The following MRPL47 variants were observed in gnomAD, a reference collection of about 807,000 sequenced individuals.
MRPL47 encodes mitochondrial ribosomal protein L47, also known as large ribosomal subunit protein uL29m.
A neutral mutation model predicts 34.0 loss-of-function variants in MRPL47; 31 were observed. That is an observed-to-expected ratio of 0.91 (90% confidence interval 0.68 to 1.23). The LOEUF is 1.23. MRPL47 is among the 50% of genes most tolerant of loss of function. MRPL47 has a pLI of 0.00. For synonymous variants in MRPL47, 106 were observed against 101.6 expected, an observed-to-expected ratio of 1.04 and a Z score of -0.26; for missense variants, 328 against 285.8, an observed-to-expected ratio of 1.15 and a Z score of -1.07.
intron 5 of MRPL47, 76 bp from the exon 6 acceptor site, chr3:179,592,815 A>AG: frequency 1.1e-6 from 1 of 875,362 alleles, no homozygotes; most frequent in Non-Finnish European, 1.9e-6. Flanking sequence ...TTACCTCAAA[A>AG]GGGTTAGTCC....
chr3:179,601,313 T>C (rs768958491), intron 3 of MRPL47, among the ~76,000 whole-genome samples: 12 of 151,980 alleles, frequency 7.9e-5, no homozygotes, highest in Non-Finnish European at 1.3e-4. Context: ...GAGGCTGAGG[T>C]GGGGGATCAC....
At position 179,604,517 on chromosome 3, in the gene MRPL47, C is replaced by A; in HGVS notation, c.98+10G>T. ...GAGAGGTGGGCAAACCTACTTTATACATCACTTACCCTGTGCAGGCAGGGA... is the reference window on the plus strand; with the variant it reads ...GAGAGGTGGGCAAACCTACTTTATAAATCACTTACCCTGTGCAGGCAGGGA... On this transcript the variant is annotated intron_variant, in intron 1 of 6. Coordinates refer to ENST00000476781, the MANE Select transcript of MRPL47 (RefSeq NM_020409.3). 6 of 1,611,430 alleles carry A rather than the reference C, an allele frequency of 3.7e-6. No individual in the cohort carries two copies. Among genetic ancestry groups the A allele is most frequent in the Non-Finnish European group, 5.1e-6 (6 of 1,178,626 alleles).
intron 4 of MRPL47, among the ~76,000 whole-genome samples, chr3:179,596,722 G>A (rs1718796717): frequency 6.6e-6 from 1 of 152,096 alleles, no homozygotes. Flanking sequence ...TGCAATCGTG[G>A]CTCACTGCAG....
rs1718852920 is a variant in MRPL47, at chr3:179,598,693, A to G, written c.384T>C (p.Ser128=). ...TCCTTACCTTATCTAACCGCTCTGGACTTGGCATTGGCAATCTCTGCCGCT... is the reference window on the plus strand; with the variant it reads ...TCCTTACCTTATCTAACCGCTCTGGGCTTGGCATTGGCAATCTCTGCCGCT... ...EAKRQRLPMP[S]PERLDKVVDS... is the part of the protein sequence containing the mutation. The change falls in exon 4 of 7, where the codon AGT becomes AGC. Residue 128 remains serine, a synonymous_variant. Coordinates refer to ENST00000476781, the MANE Select transcript of MRPL47 (RefSeq NM_020409.3). 6.2e-7 allele frequency: 1 copy of G among 1,612,378 alleles called. No individual in the cohort carries two copies. Among genetic ancestry groups the G allele is most frequent in the South Asian group, 1.1e-5 (1 of 91,064 alleles).
At chr3:179,593,088 A>G (rs772198420) in intron 5 of MRPL47, among the ~76,000 whole-genome samples, 19 of 151,910 alleles carry the variant, frequency 1.3e-4, no homozygotes, top group Non-Finnish European at 2.5e-4. Context: ...AGGTTTATTT[A>G]CCTTTGGGTT....
At chr3:179,589,684 GA>G (rs199614146) in intron 6 of MRPL47, among the ~76,000 whole-genome samples, 1,804 of 152,126 alleles carry the variant, frequency 0.012, 47 homozygotes, top group Non-Finnish European at 9.7e-3. Flanking sequence ...GTTTTGGGGG[GA>G]AAAAAGACAA....
chr3:179,600,455 A>G (rs1184896510), intron 3 of MRPL47, among the ~76,000 whole-genome samples: 1 of 152,142 alleles, frequency 6.6e-6, no homozygotes, highest in East Asian at 1.9e-4. Context: ...AGCCTGGCCA[A>G]TGTGGTGAAA....
intron 1 of MRPL47, 79 bp from the exon 2 acceptor site, chr3:179,602,876 CAT>C (rs1718961016): frequency 2.7e-6 from 3 of 1,124,284 alleles, no homozygotes; most frequent in South Asian, 2.9e-5. Flanking sequence ...TCATAATAAA[CAT>C]AATCATTTTG....
chr3:179,602,729 TG>T lies in MRPL47; in HGVS notation c.166del (p.His56IlefsTer9), dbSNP rs2108386167. The stretch of plus-strand genomic sequence containing the variant: ...TAGTCCTTTCCTTGACAATGTGGTA[TG>T]AAGTAATCTATATTGGTGAAAGGAT... ...VTSFHQYRLL[H>X]TTLSRKGLEE... On this transcript the variant is annotated frameshift_variant, in exon 2 of 7. Transcript: ENST00000476781. LOFTEE classifies it high-confidence loss of function. The T allele has an allele frequency of 6.2e-6, 10 of 1,612,650 alleles. No homozygotes were observed. The highest frequency in any genetic ancestry group is 8.5e-6 in the Non-Finnish European group (10 of 1,179,426).
chr3:179,593,059 T>C (rs1164700919), intron 5 of MRPL47, among the ~76,000 whole-genome samples: 1 of 152,078 alleles, frequency 6.6e-6, no homozygotes, highest in African/African-American at 2.4e-5. Context: ...CAAAGGTAAA[T>C]AAACCTCTTT....
rs1276173635 is a variant in MRPL47, at chr3:179,588,286, TTAGTG to T, written c.*581_*585del. 3 of 313,386 alleles carry T rather than the reference TTAGTG, an allele frequency of 9.6e-6. No individual in the cohort carries two copies. The highest frequency in any genetic ancestry group is 1.7e-5 in the Non-Finnish European group (3 of 174,304). The allele number at this position is 313,386 out of a possible 1,614,324, so 19.4% of individuals were successfully genotyped here. A position where few individuals can be genotyped will look rare whatever the true frequency, so the allele number is the denominator to read the frequency against. ...TCAGTAAAATGCTTTCCAACTCTGTTTAGTGTATTAATTACCAGTGGATTGGTAGA... is the reference window on the plus strand; with the variant it reads ...TCAGTAAAATGCTTTCCAACTCTGTTTATTAATTACCAGTGGATTGGTAGA... On this transcript the variant is annotated 3_prime_UTR_variant, in exon 7 of 7. Transcript: ENST00000476781.
At chr3:179,597,859 C>T (rs1718824524) in intron 4 of MRPL47, among the ~76,000 whole-genome samples, 1 of 152,052 alleles carries the variant, frequency 6.6e-6, no homozygotes, top group South Asian at 2.1e-4. Flanking sequence ...TGTAAATATA[C>T]TAAACACTAC....
intron 6 of MRPL47, among the ~76,000 whole-genome samples, chr3:179,591,497 G>C (rs1718670260): frequency 6.6e-6 from 1 of 152,144 alleles, no homozygotes; most frequent in Non-Finnish European, 1.5e-5. Flanking sequence ...TGGTTCATGG[G>C]AACACTGCAC....
chr3:179,589,643 A>C (rs1718621872), intron 6 of MRPL47, among the ~76,000 whole-genome samples: 1 of 152,212 alleles, frequency 6.6e-6, no homozygotes, highest in Non-Finnish European at 1.5e-5. Context: ...TACAGCAATA[A>C]AGATGTACTG....
chr3:179,589,083 C>G (rs1402037003), intron 6 of MRPL47, 88 bp from the exon 7 acceptor site: 2 of 1,295,112 alleles, frequency 1.5e-6, no homozygotes, highest in East Asian at 2.4e-5. Flanking sequence ...TCAATTACAT[C>G]AAAGCTTCAA....
At chr3:179,589,115 G>T in intron 6 of MRPL47, 120 bp from the exon 7 acceptor site, 4 of 969,608 alleles carry the variant, frequency 4.1e-6, no homozygotes, top group Non-Finnish European at 6.0e-6. Flanking sequence ...CCTGTATTTG[G>T]TGTGTTATAT....
rs901248777 is a variant in MRPL47 at position 179,589,070 on chromosome 3, A to T, written c.630-75T>A. 11 of 1,412,296 alleles carry T rather than the reference A, an allele frequency of 7.8e-6. No individual in the cohort carries two copies. In the South Asian group the frequency reaches 8.0e-5, roughly 10 times the overall value. The allele number at this position is 1,412,296 out of a possible 1,614,324, so 87.5% of individuals were successfully genotyped here. A position where few individuals can be genotyped will look rare whatever the true frequency, so the allele number is the denominator to read the frequency against. On this transcript the variant is annotated intron_variant, in intron 6 of 6. Coordinates refer to ENST00000476781, the MANE Select transcript of MRPL47 (RefSeq NM_020409.3). ...TATTCAATACTATCAAAATATGCAT[A>T]AATCAATTACATCAAAGCTTCAAAC...
intron 5 of MRPL47, among the ~76,000 whole-genome samples, 194 bp downstream of exon 5, chr3:179,593,571 T>C (rs564702401): frequency 2.6e-5 from 4 of 152,208 alleles, no homozygotes; most frequent in Non-Finnish European, 5.9e-5. Flanking sequence ...TGGGCTGGTT[T>C]TACCAGATAA....
At position 179,602,683 on chromosome 3, in the gene MRPL47, T is replaced by A; in HGVS notation, c.213A>T (p.Pro71=). 1 of 1,612,164 alleles carries A rather than the reference T, an allele frequency of 6.2e-7. No homozygotes were observed. Among genetic ancestry groups the A allele is most frequent in the South Asian group, 1.1e-5 (1 of 90,760 alleles). Reference sequence around the variant, plus strand: ...TTACTTTTTCTTGCCCCCAGTTTTTTGGGTCATCAAAAAATTCTTCTAGTC... The same window carrying A: ...TTACTTTTTCTTGCCCCCAGTTTTTAGGGTCATCAAAAAATTCTTCTAGTC... The part of the protein sequence containing the change: ...RKGLEEFFDD[P]KNWGQEKVKS... Residue 71 remains proline, a synonymous_variant, in exon 2 of 7, where the codon CCA becomes CCT. Coordinates refer to ENST00000476781, the MANE Select transcript of MRPL47 (RefSeq NM_020409.3).
Sources: gnomAD v4.1 joint callset for allele counts (sites outside exome capture counted in the v4.1 genomes callset) on GRCh38, gnomAD v4.1.1 for gene constraint, MANE v1.5 for transcripts, NCBI Gene and HGNC (gene_info 2026-07-23, HGNC 2026-07-21) for gene names.